MND1: variants seen among roughly 807,000 people sequenced by gnomAD.
MND1 encodes the protein meiotic nuclear division protein 1 homolog.
Under a neutral mutation model 35.1 loss-of-function variants are expected in MND1, and 28 were observed. The ratio of observed to expected loss-of-function variants is 0.80; its 90% CI spans 0.59 to 1.09. The LOEUF is 1.09. Among genes scored for constraint, MND1 ranks in the 50% least tolerant of loss-of-function variants. The pLI, the probability that MND1 is intolerant of heterozygous loss-of-function variation, is 0.00. For missense variants in MND1, 213 were observed against 239.6 expected (o/e 0.89, Z 0.73); for synonymous variants, 69 against 70.5 (o/e 0.98, Z 0.11).
intron 1 of MND1, among the ~76,000 whole-genome samples, chr4:153,346,131 CTT>C (rs1773072494): frequency 6.6e-6 from 1 of 152,116 alleles, no homozygotes; most frequent in East Asian, 1.9e-4. Context: ...CAAAGGTAAA[CTT>C]TTGATTGATT....
intron 7 of MND1, among the ~76,000 whole-genome samples, chr4:153,412,550 T>A (rs945812384): frequency 6.6e-6 from 1 of 151,244 alleles, no homozygotes; most frequent in Admixed American, 6.6e-5. Context: ...TGGTGCAATC[T>A]CAGCTCATCG....
chr4:153,392,654 A>C (rs1193342780), intron 4 of MND1, among the ~76,000 whole-genome samples: 1 of 152,196 alleles, frequency 6.6e-6, no homozygotes, highest in Non-Finnish European at 1.5e-5. Context: ...AATTGAGAAA[A>C]GAAGCCAACA....
At chr4:153,362,231 G>C (rs1412206807) in intron 4 of MND1, among the ~76,000 whole-genome samples, 2 of 151,980 alleles carry the variant, frequency 1.3e-5, no homozygotes, top group African/African-American at 4.8e-5. Flanking sequence ...TACTGATATG[G>C]CTTGGATCTG....
chr4:153,406,673 C>T (rs1021719021), intron 6 of MND1, among the ~76,000 whole-genome samples: 6 of 151,960 alleles, frequency 3.9e-5, no homozygotes, highest in African/African-American at 1.2e-4. Flanking sequence ...AGGATATGAA[C>T]GGACACTTCC....
chr4:153,400,560 G>T (rs1322704628), intron 6 of MND1, among the ~76,000 whole-genome samples: 1 of 151,994 alleles, frequency 6.6e-6, no homozygotes, highest in African/African-American at 2.4e-5. Flanking sequence ...GCTGGCATGC[G>T]CTTTATTCAA....
chr4:153,368,617 A>G (rs1773716109), intron 4 of MND1, among the ~76,000 whole-genome samples: 1 of 152,220 alleles, frequency 6.6e-6, no homozygotes, highest in Non-Finnish European at 1.5e-5. Context: ...GATAAAAAGC[A>G]TAAGGATGAA....
At chr4:153,395,604 C>T (rs916319932) in intron 5 of MND1, among the ~76,000 whole-genome samples, 35 of 152,176 alleles carry the variant, frequency 2.3e-4, no homozygotes, top group Non-Finnish European at 2.2e-4. Context: ...AAATAGCTAA[C>T]GTGTATTCTC....
At position 153,394,307 on chromosome 4, in the gene MND1, G is replaced by T; in HGVS notation, c.322G>T (p.Glu108Ter). 6.2e-7 allele frequency: 1 copy of T among 1,612,466 alleles called. No individual in the cohort carries two copies. Among genetic ancestry groups the T allele is most frequent in the South Asian group, 1.1e-5 (1 of 90,960 alleles). Residue 108 changes from glutamate to a stop codon, truncating the protein, a stop_gained, in exon 5 of 8, where the codon GAG (glutamate) becomes TAG (stop). Coordinates refer to ENST00000240488, the MANE Select transcript of MND1 (RefSeq NM_032117.4). LOFTEE classifies it high-confidence loss of function. ...QKHASLQKSIEKAKIGRCETE... is the reference protein window; with the variant it reads ...QKHASLQKSI ...GCATGCAAGCCTACAGAAAAGCATT[G>T]AGAAAGCTAAAATTGGCCGATGTGA...
At chr4:153,369,632 C>T (rs1055715448) in intron 4 of MND1, among the ~76,000 whole-genome samples, 1 of 152,158 alleles carries the variant, frequency 6.6e-6, no homozygotes, top group Non-Finnish European at 1.5e-5. Flanking sequence ...GAGTTGTAAT[C>T]TTTTTGCAGG....
intron 4 of MND1, among the ~76,000 whole-genome samples, chr4:153,377,583 G>T (rs1728544451): frequency 6.6e-6 from 1 of 152,160 alleles, no homozygotes; most frequent in Admixed American, 6.6e-5. Context: ...ATTGCAATAT[G>T]GTGTGATATA....
chr4:153,365,101 C>CAA (rs5863041), intron 4 of MND1, among the ~76,000 whole-genome samples: 132 of 138,242 alleles, frequency 9.5e-4, no homozygotes, highest in South Asian at 4.4e-3. Context: ...TTGTTGCCAC[C>CAA]AAAAAAAAAA....
intron 2 of MND1, among the ~76,000 whole-genome samples, chr4:153,350,357 C>T (rs1773184143): frequency 6.6e-6 from 1 of 152,124 alleles, no homozygotes; most frequent in South Asian, 2.1e-4. Flanking sequence ...ATACTGGCAC[C>T]AGAATCTTCT....
At chr4:153,397,690 G>A (rs911524644) in intron 6 of MND1, among the ~76,000 whole-genome samples, 26 of 151,910 alleles carry the variant, frequency 1.7e-4, no homozygotes, top group African/African-American at 6.3e-4. Flanking sequence ...CATGGTGACA[G>A]ATGCCAGTAG....
intron 4 of MND1, among the ~76,000 whole-genome samples, chr4:153,381,356 T>G (rs546070433): frequency 2.7e-4 from 41 of 151,772 alleles, no homozygotes; most frequent in Non-Finnish European, 5.0e-4. Context: ...AGAATTCCCA[T>G]TCCCAAACAC....
At chr4:153,347,300 C>G (rs190570383) in intron 1 of MND1, among the ~76,000 whole-genome samples, 2 of 152,188 alleles carry the variant, frequency 1.3e-5, no homozygotes, top group Non-Finnish European at 2.9e-5. Context: ...GTGAGCAGAT[C>G]TGTATGGGTT....
At chr4:153,378,933 C>CGA (rs1728584642) in intron 4 of MND1, among the ~76,000 whole-genome samples, 1 of 152,166 alleles carries the variant, frequency 6.6e-6, no homozygotes, top group Non-Finnish European at 1.5e-5. Context: ...GTTCTCTCCA[C>CGA]TGATTTAGCA....
chr4:153,387,978 G>A (rs1400920738), intron 4 of MND1, among the ~76,000 whole-genome samples: 1 of 151,580 alleles, frequency 6.6e-6, no homozygotes, highest in East Asian at 1.9e-4. Context: ...CTCCCTTAAT[G>A]CTTCGACATT....
intron 4 of MND1, among the ~76,000 whole-genome samples, chr4:153,378,091 G>A (rs941154957): frequency 6.6e-6 from 1 of 152,106 alleles, no homozygotes; most frequent in Non-Finnish European, 1.5e-5. Context: ...GAAACATACA[G>A]AAACATGATG....
chr4:153,409,925 C>T (rs899967346), intron 7 of MND1, among the ~76,000 whole-genome samples: 10 of 152,072 alleles, frequency 6.6e-5, no homozygotes, highest in Admixed American at 3.3e-4. Context: ...AAATAAGATA[C>T]GAATCCAAGG....
Sources: gnomAD v4.1 joint callset for allele counts (sites outside exome capture counted in the v4.1 genomes callset) on GRCh38, gnomAD v4.1.1 for gene constraint, MANE v1.5 for transcripts, NCBI Gene and HGNC (gene_info 2026-07-23, HGNC 2026-07-21) for gene names.